PLCXD3: variants seen among roughly 807,000 people sequenced by gnomAD.
PLCXD3 encodes phosphatidylinositol specific phospholipase C X domain containing 3, also known as PI-PLC X domain-containing protein 3.
PLCXD3 carries 19 observed loss-of-function variants against 25.5 expected under a neutral mutation model. The observed-to-expected ratio is 0.75, with a 90% CI of 0.52 to 1.09. PLCXD3 has a LOEUF of 1.09. Among genes scored for constraint, PLCXD3 ranks in the 50% least tolerant of loss-of-function variants. PLCXD3 has a pLI of 0.00. For synonymous variants in PLCXD3, 174 were observed against 137.6 expected (o/e 1.26, Z -1.85); for missense variants, 411 against 388.1 (o/e 1.06, Z -0.50).
rs548267722 is a variant in PLCXD3, at chr5:41,481,590, G to T, written c.103+28834C>A. The stretch of plus-strand genomic sequence containing the variant: ...AGCTTCTGAAAAAAGCCAGTCAAAA[G>T]CAGAGATGCTGTCTTCTGAAATTAT... On this transcript the variant is annotated intron_variant, in intron 1 of 2. Transcript: ENST00000377801. 5.9e-5 allele frequency among the ~76,000 whole-genome samples: 9 copies of T among 152,348 alleles called. No homozygotes were observed. The East Asian group carries it at 9.6e-4, about 16-fold the overall frequency.
intron 1 of PLCXD3, among the ~76,000 whole-genome samples, chr5:41,438,650 C>A (rs1747310717): frequency 6.6e-6 from 1 of 152,160 alleles, no homozygotes; most frequent in Admixed American, 6.5e-5. Flanking sequence ...CCTAATCACC[C>A]TACAATATGT....
intron 1 of PLCXD3, among the ~76,000 whole-genome samples, chr5:41,462,790 GA>G (rs556844505): frequency 7.8e-5 from 11 of 140,930 alleles, no homozygotes; most frequent in Non-Finnish European, 1.4e-4. Flanking sequence ...GTCTCAAAAA[GA>G]AAAAAAAAAG....
At chr5:41,481,845 G>A (rs1279542657) in intron 1 of PLCXD3, among the ~76,000 whole-genome samples, 1 of 152,200 alleles carries the variant, frequency 6.6e-6, no homozygotes, top group East Asian at 1.9e-4. Context: ...CAGGGCTTAG[G>A]CCCTGTGAAA....
At chr5:41,401,902 T>A (rs1241967842) in intron 1 of PLCXD3, among the ~76,000 whole-genome samples, 1 of 152,002 alleles carries the variant, frequency 6.6e-6, no homozygotes, top group African/African-American at 2.4e-5. Flanking sequence ...TTGTTCATAA[T>A]ATTCTTATTA....
intron 1 of PLCXD3, among the ~76,000 whole-genome samples, chr5:41,435,264 T>C (rs1747219983): frequency 2.6e-5 from 4 of 152,230 alleles, no homozygotes; most frequent in African/African-American, 9.6e-5. Context: ...GGCCACTGTA[T>C]GGTTCTACCA....
intron 1 of PLCXD3, among the ~76,000 whole-genome samples, chr5:41,408,864 A>G (rs1459628862): frequency 6.6e-6 from 1 of 152,330 alleles, no homozygotes; most frequent in Admixed American, 6.5e-5. Context: ...GGATGAATCA[A>G]GGATGACTAA....
chr5:41,356,763 C>A (rs1042589062), intron 2 of PLCXD3, among the ~76,000 whole-genome samples: 2 of 152,150 alleles, frequency 1.3e-5, no homozygotes, highest in African/African-American at 4.8e-5. Flanking sequence ...AAAGATAAAA[C>A]ACGTATTTTC....
intron 1 of PLCXD3, among the ~76,000 whole-genome samples, chr5:41,395,147 A>C (rs1450292412): frequency 2.0e-5 from 3 of 152,174 alleles, no homozygotes; most frequent in African/African-American, 7.2e-5. Context: ...CATTGGAATA[A>C]AACTCAATTT....
intron 1 of PLCXD3, among the ~76,000 whole-genome samples, chr5:41,494,727 T>C (rs1175687127): frequency 6.6e-6 from 1 of 152,200 alleles, no homozygotes; most frequent in Non-Finnish European, 1.5e-5. Context: ...GCTAATGATT[T>C]AAACTTGGCA....
intron 1 of PLCXD3, among the ~76,000 whole-genome samples, chr5:41,418,220 T>C (rs1288862043): frequency 6.6e-6 from 1 of 152,184 alleles, no homozygotes; most frequent in Non-Finnish European, 1.5e-5. Flanking sequence ...AGGAAGAAAT[T>C]ATTTTCATTT....
chr5:41,335,024 A>G (rs947758185), intron 2 of PLCXD3, among the ~76,000 whole-genome samples: 4 of 152,188 alleles, frequency 2.6e-5, no homozygotes, highest in African/African-American at 9.6e-5. Flanking sequence ...GAAACAGACA[A>G]TGGGTTTTCT....
intron 1 of PLCXD3, among the ~76,000 whole-genome samples, chr5:41,454,625 G>A (rs1747711371): frequency 6.6e-6 from 1 of 151,874 alleles, no homozygotes; most frequent in South Asian, 2.1e-4. Flanking sequence ...TCCTTCTAAG[G>A]AAGCCATGAG....
chr5:41,318,150 ATTTCATCAAT>A (rs1356951537), intron 2 of PLCXD3, among the ~76,000 whole-genome samples: 1 of 152,178 alleles, frequency 6.6e-6, no homozygotes, highest in East Asian at 1.9e-4. Context: ...AAGCTGAGGG[ATTTCATCAAT>A]CCCAGACCCG....
In PLCXD3 at chr5:41,436,577, A is replaced by T. The variant is rs138513779; in HGVS notation, c.104-54043T>A. ...TTGTAATGGCATTAGCAGGCATTCTACTAAGAAATTCCAACTATTGCAGCC... is the reference window on the plus strand; with the variant it reads ...TTGTAATGGCATTAGCAGGCATTCTTCTAAGAAATTCCAACTATTGCAGCC... On this transcript the variant is annotated intron_variant, in intron 1 of 2. Transcript: ENST00000377801. Among the ~76,000 whole-genome samples the T allele has an allele frequency of 5.3e-3, 802 of 152,260 alleles. 5 individuals carry two copies. The highest frequency in any genetic ancestry group is 8.5e-3 in the Non-Finnish European group (580 of 68,018).
chr5:41,330,076 C>T (rs1743749667), intron 2 of PLCXD3, among the ~76,000 whole-genome samples: 1 of 151,822 alleles, frequency 6.6e-6, no homozygotes, highest in South Asian at 2.1e-4. Flanking sequence ...ATTTAATTTT[C>T]AATGAAGTGT....
rs79200111 is a variant in PLCXD3 at position 41,503,872 on chromosome 5, A to G, written c.103+6552T>C. 7.0e-4 allele frequency among the ~76,000 whole-genome samples: 107 copies of G among 152,190 alleles called. No homozygotes were observed. In the East Asian group the frequency reaches 0.016, roughly 22 times the overall value. ...GTGGCATGTTCTCTGGTTTCCAAAAACTAATATTTTTGGGCAAGAGGCATC... is the reference window on the plus strand; with the variant it reads ...GTGGCATGTTCTCTGGTTTCCAAAAGCTAATATTTTTGGGCAAGAGGCATC... On this transcript the variant is annotated intron_variant, in intron 1 of 2. Coordinates refer to ENST00000377801, the MANE Select transcript of PLCXD3 (RefSeq NM_001005473.3).
chr5:41,503,515 G>T lies in PLCXD3; in HGVS notation c.103+6909C>A, dbSNP rs538809859. On this transcript the variant is annotated intron_variant, in intron 1 of 2. Transcript: ENST00000377801. ...CTGTTTCAGTACCTGACCTCCGGAG[G>T]TGACTAATCCTGGCTGCTTAGCAAG... Among the ~76,000 whole-genome samples, 6 of 152,216 alleles carry T rather than the reference G, an allele frequency of 3.9e-5. No individual in the cohort carries two copies. The East Asian group carries it at 9.7e-4, about 25-fold the overall frequency.
In PLCXD3 at chr5:41,328,066, A is replaced by C. The variant is rs115369597; in HGVS notation, c.813-14296T>G. 2.8e-3 allele frequency among the ~76,000 whole-genome samples: 425 copies of C among 152,306 alleles called. 2 individuals are homozygous for C. The highest frequency in any genetic ancestry group is 9.4e-3 in the African/African-American group (389 of 41,572). ...TTCAAGATAAATGAAATTAAAAAAA[A>C]AATTTCATAGCACTACTGTCAGTTC... On this transcript the variant is annotated intron_variant, in intron 2 of 2. Coordinates refer to ENST00000377801, the MANE Select transcript of PLCXD3 (RefSeq NM_001005473.3).
intron 1 of PLCXD3, among the ~76,000 whole-genome samples, chr5:41,482,095 G>A (rs1293305155): frequency 1.3e-5 from 2 of 152,024 alleles, no homozygotes; most frequent in Non-Finnish European, 2.9e-5. Flanking sequence ...CTAGAACTCA[G>A]ATATGTCAGT....
Sources: allele counts gnomAD v4.1 joint callset (sites outside exome capture counted in the v4.1 genomes callset), GRCh38; gene constraint gnomAD v4.1.1; transcripts MANE v1.5; gene names NCBI Gene and HGNC (gene_info 2026-07-23, HGNC 2026-07-21).